ROBO2: variants seen among roughly 807,000 people sequenced by gnomAD.
ROBO2 encodes roundabout homolog 2.
ROBO2 carries 53 observed loss-of-function variants against 160.8 expected under a neutral mutation model. That is an observed-to-expected ratio of 0.33 (90% confidence interval 0.26 to 0.41). The LOEUF (loss-of-function observed/expected upper bound fraction) is 0.41. ROBO2 is among the 10% of genes least tolerant of loss of function. The probability of loss-of-function intolerance (pLI) is 1.00; values close to 1 mark genes in which losing one functional copy is unlikely to be tolerated. For missense variants in ROBO2, 1,577 were observed against 1,722.4 expected (o/e 0.92, Z 1.49); for synonymous variants, 664 against 611.7 (o/e 1.09, Z -1.26).
At chr3:76,955,639 A>T (rs2079201147) in intron 2 of ROBO2, among the ~76,000 whole-genome samples, 1 of 152,296 alleles carries the variant, frequency 6.6e-6, no homozygotes, top group African/African-American at 2.4e-5. Flanking sequence ...ACTGGCCAAC[A>T]TTCAGGAATA....
chr3:76,738,249 G>C (rs1422478394), intron 2 of ROBO2, among the ~76,000 whole-genome samples: 2 of 152,182 alleles, frequency 1.3e-5, no homozygotes, highest in Non-Finnish European at 2.9e-5. Context: ...AAACAAGATA[G>C]GTAAGGCCTG....
rs115686659 is a variant in ROBO2 at position 77,626,967 on chromosome 3, C to T, written c.3760+4535C>T. On this transcript the variant is annotated intron_variant, in intron 23 of 25. Coordinates refer to ENST00000461745, the Ensembl canonical transcript of ROBO2. ...CTCGACCACACAGCTTTTAGAGCCT[C>T]GGCCACTAAAATATTTGACCTGAAA... is the stretch of plus-strand genomic sequence containing the variant. Among the ~76,000 whole-genome samples, 690 of 152,190 alleles carry T rather than the reference C, an allele frequency of 4.5e-3. 10 individuals are homozygous for T. Among genetic ancestry groups the T allele is most frequent in the African/African-American group, 0.016 (669 of 41,514 alleles).
At chr3:76,702,722 G>A (rs76977294) in intron 2 of ROBO2, among the ~76,000 whole-genome samples, 2,441 of 151,986 alleles carry the variant, frequency 0.016, 70 homozygotes, top group African/African-American at 0.051. Context: ...GATGAAAAGA[G>A]TCAATGGAAG....
chr3:76,463,344 T>A (rs2078186961), intron 2 of ROBO2, among the ~76,000 whole-genome samples: 1 of 151,494 alleles, frequency 6.6e-6, no homozygotes, highest in Admixed American at 6.6e-5. Context: ...TCACTTGCAT[T>A]CTCCTAACAA....
intron 2 of ROBO2, among the ~76,000 whole-genome samples, chr3:76,455,527 A>G (rs1282746984): frequency 6.6e-6 from 1 of 152,048 alleles, no homozygotes; most frequent in East Asian, 1.9e-4. Context: ...ATAGTTAGCA[A>G]TTTAAAAATT....
chr3:77,260,407 A>C (rs1360610420), intron 2 of ROBO2, among the ~76,000 whole-genome samples: 1 of 152,160 alleles, frequency 6.6e-6, no homozygotes, highest in African/African-American at 2.4e-5. Flanking sequence ...AACTTAAAAA[A>C]ATAGTTTATT....
chr3:77,207,318 A>G (rs563964983), intron 2 of ROBO2, among the ~76,000 whole-genome samples: 2 of 152,268 alleles, frequency 1.3e-5, no homozygotes, highest in South Asian at 4.1e-4. Context: ...AAAATAGGAT[A>G]AACTTTATAT....
chr3:77,121,360 G>A (rs1274702233), intron 2 of ROBO2, among the ~76,000 whole-genome samples: 1 of 152,102 alleles, frequency 6.6e-6, no homozygotes, highest in East Asian at 1.9e-4. Flanking sequence ...ATGAATTCAT[G>A]TAAGTCCTTC....
At chr3:76,392,837 CACA>C (rs2077224141) in intron 2 of ROBO2, among the ~76,000 whole-genome samples, 1 of 152,154 alleles carries the variant, frequency 6.6e-6, no homozygotes, top group African/African-American at 2.4e-5. Flanking sequence ...TGATCATCTT[CACA>C]ACAATTTGTC....
intron 2 of ROBO2, among the ~76,000 whole-genome samples, chr3:76,545,500 C>T (rs1477396116): frequency 6.6e-6 from 1 of 152,018 alleles, no homozygotes; most frequent in East Asian, 1.9e-4. Context: ...TGAGATGATT[C>T]TCCTTGAGCC....
intron 2 of ROBO2, among the ~76,000 whole-genome samples, chr3:76,819,024 A>G (rs1230968386): frequency 6.6e-6 from 1 of 152,110 alleles, no homozygotes; most frequent in Non-Finnish European, 1.5e-5. Flanking sequence ...AGGATAATGC[A>G]TAAAGGCTTT....
intron 2 of ROBO2, among the ~76,000 whole-genome samples, chr3:76,865,732 T>C (rs1460163023): frequency 6.6e-6 from 1 of 152,128 alleles, no homozygotes; most frequent in Non-Finnish European, 1.5e-5. Context: ...TAATTACAGG[T>C]ATTGAATGAA....
chr3:76,851,764 A>AATATATATATATATATATATAT (rs1553659596), intron 2 of ROBO2, among the ~76,000 whole-genome samples: 20 of 136,996 alleles, frequency 1.5e-4, no homozygotes, highest in African/African-American at 4.4e-4. Flanking sequence ...AAAAAAAAAA[A>AATATATATATATATATATATAT]ATATTAACAT....
intron 2 of ROBO2, among the ~76,000 whole-genome samples, chr3:76,614,656 T>C (rs1247282832): frequency 6.6e-6 from 1 of 152,196 alleles, no homozygotes; most frequent in African/African-American, 2.4e-5. Flanking sequence ...GTTTGTTTTA[T>C]CAACAATGGT....
At chr3:77,602,792 C>A in intron 20 of ROBO2, 1 of 484,640 alleles carries the variant, frequency 2.1e-6, no homozygotes, top group Admixed American at 2.5e-5. Flanking sequence ...TCCATCTCTA[C>A]TTCCATTAGG....
At chr3:76,869,340 A>ATCTTTTTTTTTTTTTTTTTT (rs1178461363) in intron 2 of ROBO2, among the ~76,000 whole-genome samples, 4 of 108,140 alleles carry the variant, frequency 3.7e-5, no homozygotes, top group African/African-American at 3.6e-5. Flanking sequence ...GTAGAAATTG[A>ATCTTTTTTTTTTTTTTTTTT]TGTTTTTTTT....
chr3:76,381,603 C>T (rs2076626320), intron 2 of ROBO2, among the ~76,000 whole-genome samples: 1 of 152,136 alleles, frequency 6.6e-6, no homozygotes, highest in Non-Finnish European at 1.5e-5. Flanking sequence ...CCCACCTCGG[C>T]CTCCCAAAGT....
At chr3:77,291,135 T>A in intron 2 of ROBO2, among the ~76,000 whole-genome samples, 1 of 147,046 alleles carries the variant, frequency 6.8e-6, no homozygotes, top group South Asian at 2.2e-4. Flanking sequence ...AGACATAAAG[T>A]AAAACTGATG....
chr3:76,643,861 T>C (rs549220826), intron 2 of ROBO2, among the ~76,000 whole-genome samples: 3 of 152,212 alleles, frequency 2.0e-5, no homozygotes, highest in East Asian at 3.9e-4. Context: ...TGCCTATGGA[T>C]TCTGAATAAG....
Sources: gnomAD v4.1 joint callset for allele counts (sites outside exome capture counted in the v4.1 genomes callset) on GRCh38, gnomAD v4.1.1 for gene constraint, MANE v1.5 for transcripts, NCBI Gene and HGNC (gene_info 2026-07-23, HGNC 2026-07-21) for gene names.